ANK3: variants seen among roughly 807,000 people sequenced by gnomAD.
The protein encoded by ANK3 is ankyrin 3.
In ANK3, 57 loss-of-function variants were observed where a neutral mutation model predicts 370.9. The ratio of observed to expected loss-of-function variants is 0.15; its 90% CI spans 0.12 to 0.19. The LOEUF (loss-of-function observed/expected upper bound fraction) is 0.19. Ranked by LOEUF, ANK3 falls within the 10% of genes least tolerant of loss-of-function variation. The pLI is 1.00. For synonymous variants in ANK3, 1,929 were observed against 1,946.3 expected, an observed-to-expected ratio of 0.99 and a Z score of 0.23; for missense variants, 4,439 against 5,302.1, an observed-to-expected ratio of 0.84 and a Z score of 5.06.
chr10:60,698,410 C>T (rs939035285), intron 1 of ANK3, among the ~76,000 whole-genome samples: 8 of 151,596 alleles, frequency 5.3e-5, no homozygotes, highest in African/African-American at 7.3e-5. Context: ...GGGTATATAC[C>T]CAAAGGACTA....
At chr10:60,052,236 G>A (rs1472877606) in intron 42 of ANK3, among the ~76,000 whole-genome samples, 1 of 152,072 alleles carries the variant, frequency 6.6e-6, no homozygotes, top group Non-Finnish European at 1.5e-5. Flanking sequence ...GCTGAGGCAG[G>A]AGAATTGCTT....
intron 2 of ANK3, among the ~76,000 whole-genome samples, chr10:60,563,554 C>T (rs1261887913): frequency 2.6e-5 from 4 of 152,144 alleles, no homozygotes; most frequent in African/African-American, 9.7e-5. Context: ...TTCAGCAAAA[C>T]ATATGAATAC....
rs371330779 is a variant in ANK3 at position 60,242,363 on chromosome 10, A to G, written c.799-7577T>C. ...TATATGTTACATTATATCATATGAT[A>G]TACTTTAGAATAACTCTTAAAAGGT... On this transcript the variant is annotated intron_variant, in intron 7 of 43. Coordinates refer to ENST00000280772, the MANE Select transcript of ANK3 (RefSeq NM_020987.5). Among the ~76,000 whole-genome samples the G allele has an allele frequency of 5.3e-5, 8 of 152,372 alleles. No homozygotes were observed. In the East Asian group the frequency reaches 5.8e-4, roughly 11 times the overall value.
intron 1 of ANK3, among the ~76,000 whole-genome samples, chr10:60,284,285 T>C (rs970070145): frequency 6.6e-6 from 1 of 152,168 alleles, no homozygotes; most frequent in Non-Finnish European, 1.5e-5. Context: ...TTTGGACTTC[T>C]GGCTCCAGAA....
intron 25 of ANK3, among the ~76,000 whole-genome samples, chr10:60,124,685 A>C (rs2093668042): frequency 6.6e-6 from 1 of 152,132 alleles, no homozygotes; most frequent in South Asian, 2.1e-4. Context: ...AACATGCTTT[A>C]CTCAGATCTG....
intron 1 of ANK3, among the ~76,000 whole-genome samples, chr10:60,370,469 A>C (rs1246559076): frequency 6.6e-6 from 1 of 152,128 alleles, no homozygotes; most frequent in Non-Finnish European, 1.5e-5. Flanking sequence ...AATATATAAA[A>C]ATCACTATTC....
intron 4 of ANK3, among the ~76,000 whole-genome samples, 177 bp downstream of exon 4, chr10:60,278,597 C>T (rs1489785589): frequency 6.6e-6 from 1 of 152,104 alleles, no homozygotes; most frequent in Non-Finnish European, 1.5e-5. Flanking sequence ...GTCTCAAACT[C>T]CTGCCTCAAG....
chr10:60,321,490 A>C (rs1230612783), intron 1 of ANK3, among the ~76,000 whole-genome samples: 1 of 152,234 alleles, frequency 6.6e-6, no homozygotes, highest in African/African-American at 2.4e-5. Flanking sequence ...AAAGACAGGT[A>C]AATATATGTG....
chr10:60,708,560 A>G (rs963251232), intron 1 of ANK3, among the ~76,000 whole-genome samples: 2 of 152,208 alleles, frequency 1.3e-5, no homozygotes, highest in African/African-American at 4.8e-5. Flanking sequence ...AAAAGCAGCC[A>G]TTTTGAAATA....
At chr10:60,568,099 T>C (rs572323859) in intron 2 of ANK3, among the ~76,000 whole-genome samples, 15 of 152,222 alleles carry the variant, frequency 9.9e-5, no homozygotes, top group Non-Finnish European at 2.1e-4. Flanking sequence ...GAGTATTACA[T>C]AAACTTAGTT....
intron 16 of ANK3, among the ~76,000 whole-genome samples, chr10:60,191,884 A>C (rs1035456775): frequency 9.2e-5 from 14 of 152,104 alleles, no homozygotes; most frequent in African/African-American, 2.4e-5. Flanking sequence ...GAATATGTGA[A>C]TATGTGGGAT....
rs145839235 is a variant in ANK3 at position 60,049,252 on chromosome 10, C to A, written c.13065+6406G>T. Among the ~76,000 whole-genome samples, 985 of 152,262 alleles carry A rather than the reference C, an allele frequency of 6.5e-3. 11 individuals are homozygous for A. The highest frequency in any genetic ancestry group is 0.01 in the Admixed American group (155 of 15,282). On this transcript the variant is annotated intron_variant, in intron 42 of 43. Coordinates refer to ENST00000280772, the MANE Select transcript of ANK3 (RefSeq NM_020987.5). ...GCCTTCCTCAGTTATAAAACCTATT[C>A]TCTGATGACTTCACTCAATCTCTCT...
intron 2 of ANK3, among the ~76,000 whole-genome samples, chr10:60,410,366 T>TG (rs1005843617): frequency 4.6e-5 from 7 of 152,082 alleles, no homozygotes; most frequent in Admixed American, 1.3e-4. Context: ...TTTAGCTCCA[T>TG]GGGGGGAAGG....
chr10:60,133,324 C>G (rs1354615227), intron 25 of ANK3, among the ~76,000 whole-genome samples: 1 of 152,204 alleles, frequency 6.6e-6, no homozygotes, highest in Non-Finnish European at 1.5e-5. Context: ...TACTTAAAGC[C>G]AGGTATTATC....
chr10:60,249,032 T>C (rs2097600823), intron 7 of ANK3, among the ~76,000 whole-genome samples: 4 of 152,210 alleles, frequency 2.6e-5, no homozygotes, highest in Admixed American at 2.6e-4. Flanking sequence ...TCATTTTAAA[T>C]AAGAACTCAT....
intron 1 of ANK3, among the ~76,000 whole-genome samples, chr10:60,630,829 T>C (rs1435236326): frequency 6.6e-6 from 1 of 152,170 alleles, no homozygotes; most frequent in Admixed American, 6.5e-5. Flanking sequence ...AGCTGGACCC[T>C]GTTTTTATGA....
At chr10:60,563,654 T>C (rs1328258909) in intron 2 of ANK3, among the ~76,000 whole-genome samples, 1 of 152,134 alleles carries the variant, frequency 6.6e-6, no homozygotes, top group Non-Finnish European at 1.5e-5. Flanking sequence ...TCAGGTCAGA[T>C]TTTGCCGCCA....
In ANK3 at chr10:60,496,712, T is replaced by C. The variant is rs547440868; in HGVS notation, c.96+118474A>G. Among the ~76,000 whole-genome samples, 3 of 146,030 alleles carry C rather than the reference T, an allele frequency of 2.1e-5. No homozygotes were observed. In the South Asian group the frequency reaches 6.7e-4, roughly 33 times the overall value. ...CTTGTTCAACTCTCATTTGGTATTCTCTGCATAACTTTTTGAGACCGAAAA... is the reference window on the plus strand; with the variant it reads ...CTTGTTCAACTCTCATTTGGTATTCCCTGCATAACTTTTTGAGACCGAAAA... On this transcript the variant is annotated intron_variant, in intron 2 of 43. Coordinates refer to the ANK3 transcript ENST00000373827.
intron 1 of ANK3, among the ~76,000 whole-genome samples, chr10:60,341,815 T>C (rs1214542605): frequency 6.6e-6 from 1 of 152,136 alleles, no homozygotes; most frequent in Admixed American, 6.6e-5. Flanking sequence ...TTTAGATTGG[T>C]TTTTAAGTAG....
Sources: gnomAD v4.1 joint callset for allele counts (sites outside exome capture counted in the v4.1 genomes callset) on GRCh38, gnomAD v4.1.1 for gene constraint, MANE v1.5 for transcripts, NCBI Gene and HGNC (gene_info 2026-07-23, HGNC 2026-07-21) for gene names.